ITGBL1: variants seen among roughly 807,000 people sequenced by gnomAD.
The protein encoded by ITGBL1 is integrin beta-like protein 1.
A neutral mutation model predicts 68.5 loss-of-function variants in ITGBL1; 51 were observed. That is an observed-to-expected ratio of 0.74 (90% CI 0.59 to 0.94). The LOEUF (loss-of-function observed/expected upper bound fraction) is 0.94. Ranked by LOEUF, ITGBL1 falls within the 40% of genes least tolerant of loss-of-function variation. The pLI is 0.00. For missense variants in ITGBL1, 649 were observed against 647.4 expected (o/e 1.00, Z -0.03); for synonymous variants, 209 against 227.3 (o/e 0.92, Z 0.72).
chr13:101,718,565 AATC>A (rs55804369), downstream of ITGBL1: 47,223 of 151,554 alleles, frequency 0.31, 7,579 homozygotes, highest in Admixed American at 0.42. Context: ...TTGTTTGGCA[AATC>A]ATCATCACTG....
intron 2 of ITGBL1, among the ~76,000 whole-genome samples, chr13:101,546,254 G>A (rs548804453): frequency 4.6e-5 from 7 of 152,236 alleles, no homozygotes; most frequent in Non-Finnish European, 7.4e-5. Flanking sequence ...ATTGCAGTGG[G>A]CTACAAGGGA....
intron 2 of ITGBL1, among the ~76,000 whole-genome samples, chr13:101,464,234 C>T (rs1566685785): frequency 6.6e-6 from 1 of 152,142 alleles, no homozygotes; most frequent in Non-Finnish European, 1.5e-5. Flanking sequence ...TTATGTACTT[C>T]AGCCTCTCTT....
At chr13:101,705,085 C>G (rs1056228823) in intron 8 of ITGBL1, among the ~76,000 whole-genome samples, 12 of 151,846 alleles carry the variant, frequency 7.9e-5, no homozygotes, top group Admixed American at 6.6e-4. Context: ...ATGTTTTTCC[C>G]AGAATATTTT....
chr13:101,639,371 G>A (rs2032287070), intron 7 of ITGBL1, among the ~76,000 whole-genome samples: 1 of 152,060 alleles, frequency 6.6e-6, no homozygotes, highest in Non-Finnish European at 1.5e-5. Flanking sequence ...TGATAATGTT[G>A]CTCAAGAATT....
At chr13:101,693,628 A>ATCTG (rs2033932474) in intron 8 of ITGBL1, among the ~76,000 whole-genome samples, 1 of 52,706 alleles carries the variant, frequency 1.9e-5, no homozygotes, top group Admixed American at 1.6e-4. Flanking sequence ...CTGTCTGTCT[A>ATCTG]TCTATCTATC....
chr13:101,607,143 A>G (rs1284097770), intron 7 of ITGBL1, among the ~76,000 whole-genome samples: 1 of 152,054 alleles, frequency 6.6e-6, no homozygotes, highest in African/African-American at 2.4e-5. Context: ...CTTTGTCAAC[A>G]GGTAAAATGA....
At chr13:101,663,102 T>C (rs553572713) in intron 7 of ITGBL1, among the ~76,000 whole-genome samples, 3 of 152,276 alleles carry the variant, frequency 2.0e-5, no homozygotes, top group African/African-American at 7.2e-5. Context: ...TGTTTCTATC[T>C]GTGATGGAAG....
At chr13:101,504,599 G>C (rs2048997777) in intron 2 of ITGBL1, among the ~76,000 whole-genome samples, 1 of 152,062 alleles carries the variant, frequency 6.6e-6, no homozygotes, top group African/African-American at 2.4e-5. Flanking sequence ...TTAATTTTAG[G>C]TAAATTAATT....
At chr13:101,603,468 A>G (rs193202412) in intron 7 of ITGBL1, among the ~76,000 whole-genome samples, 1 of 152,030 alleles carries the variant, frequency 6.6e-6, no homozygotes, top group East Asian at 1.9e-4. Flanking sequence ...CCATTGTTCT[A>G]TCTGCATTGG....
chr13:101,562,390 A>G (rs1259713680), intron 2 of ITGBL1, among the ~76,000 whole-genome samples: 2 of 152,024 alleles, frequency 1.3e-5, no homozygotes, highest in East Asian at 1.9e-4. Flanking sequence ...CAGTTAAAAG[A>G]TAGAGATTGT....
intron 2 of ITGBL1, among the ~76,000 whole-genome samples, chr13:101,484,602 A>G (rs546395077): frequency 6.6e-6 from 1 of 152,166 alleles, no homozygotes; most frequent in Admixed American, 6.5e-5. Flanking sequence ...TTTTATTTGT[A>G]TAAATTTTAG....
At chr13:101,456,956 C>G (rs1222601422) in intron 2 of ITGBL1, among the ~76,000 whole-genome samples, 1 of 152,156 alleles carries the variant, frequency 6.6e-6, no homozygotes, top group African/African-American at 2.4e-5. Context: ...TTCCAGGATT[C>G]AAATCCTAGT....
At chr13:101,656,683 A>T (rs1374663271) in intron 7 of ITGBL1, among the ~76,000 whole-genome samples, 2 of 152,196 alleles carry the variant, frequency 1.3e-5, no homozygotes, top group East Asian at 3.9e-4. Flanking sequence ...CTCATATTGT[A>T]ATTTGTTTGT....
At chr13:101,534,128 T>C (rs1369139146) in intron 2 of ITGBL1, among the ~76,000 whole-genome samples, 1 of 152,122 alleles carries the variant, frequency 6.6e-6, no homozygotes, top group Admixed American at 6.6e-5. Flanking sequence ...CTACCGTTCT[T>C]GTATCCACAG....
At chr13:101,595,001 G>A (rs748752655) in intron 6 of ITGBL1, among the ~76,000 whole-genome samples, 7 of 152,220 alleles carry the variant, frequency 4.6e-5, no homozygotes, top group Non-Finnish European at 1.0e-4. Context: ...TTGAACCTGG[G>A]AGTTGGAGAT....
intron 7 of ITGBL1, among the ~76,000 whole-genome samples, chr13:101,690,573 C>G (rs764835751): frequency 6.6e-6 from 1 of 152,124 alleles, no homozygotes; most frequent in Admixed American, 6.5e-5. Context: ...CAGTTTGCCT[C>G]TTTCTCCCCA....
At chr13:101,685,275 T>A (rs1224875676) in intron 7 of ITGBL1, among the ~76,000 whole-genome samples, 1 of 152,020 alleles carries the variant, frequency 6.6e-6, no homozygotes, top group Non-Finnish European at 1.5e-5. Context: ...GTTGTATAAG[T>A]TCATTTATTT....
intron 7 of ITGBL1, among the ~76,000 whole-genome samples, chr13:101,656,001 A>G (rs1165101865): frequency 2.6e-5 from 4 of 152,130 alleles, no homozygotes; most frequent in African/African-American, 7.2e-5. Context: ...AATCAAATAC[A>G]TTTAAGAAAT....
At chr13:101,647,958 A>G (rs574594819) in intron 7 of ITGBL1, among the ~76,000 whole-genome samples, 14 of 152,322 alleles carry the variant, frequency 9.2e-5, no homozygotes, top group African/African-American at 3.4e-4. Flanking sequence ...TTCAACATCC[A>G]TGAAGAAGCA....
Sources: gnomAD v4.1 joint callset for allele counts (sites outside exome capture counted in the v4.1 genomes callset) on GRCh38, gnomAD v4.1.1 for gene constraint, MANE v1.5 for transcripts, NCBI Gene and HGNC (gene_info 2026-07-23, HGNC 2026-07-21) for gene names.